Variants in NR6A1 observed in about 807,000 individuals in gnomAD.
NR6A1 encodes nuclear receptor subfamily 6 group A member 1.
A neutral mutation model predicts 59.1 loss-of-function variants in NR6A1; 7 were observed. That is an observed-to-expected ratio of 0.12 (90% confidence interval 0.07 to 0.22). The LOEUF (loss-of-function observed/expected upper bound fraction) is 0.22. Among genes scored for constraint, NR6A1 ranks in the 10% least tolerant of loss-of-function variants. NR6A1 has a pLI of 1.00. For synonymous variants in NR6A1, 243 were observed against 236.1 expected, an observed-to-expected ratio of 1.03 and a Z score of -0.27; for missense variants, 468 against 611.6, an observed-to-expected ratio of 0.77 and a Z score of 2.48.
intron 2 of NR6A1, among the ~76,000 whole-genome samples, chr9:124,611,712 G>A (rs1293547539): frequency 7.0e-6 from 1 of 142,716 alleles, no homozygotes; most frequent in Non-Finnish European, 1.5e-5. Flanking sequence ...TTACACCACT[G>A]TGCTCCAGGC....
chr9:124,676,217 C>T (rs1837954612), intron 2 of NR6A1, among the ~76,000 whole-genome samples: 1 of 152,130 alleles, frequency 6.6e-6, no homozygotes, highest in South Asian at 2.1e-4. Flanking sequence ...TTTACTTCTC[C>T]TACCCCAATA....
At chr9:124,642,025 C>T (rs1172045113) in intron 2 of NR6A1, among the ~76,000 whole-genome samples, 1 of 152,052 alleles carries the variant, frequency 6.6e-6, no homozygotes, top group Non-Finnish European at 1.5e-5. Context: ...TACCACTTAA[C>T]AGCTGAGTGA....
intron 3 of NR6A1, 69 bp downstream of exon 3, chr9:124,554,259 T>A (rs1228130822): frequency 6.2e-7 from 1 of 1,607,154 alleles, no homozygotes; most frequent in East Asian, 2.2e-5. Context: ...AATAAGTAAC[T>A]AAACAGCTGA....
intron 1 of NR6A1, among the ~76,000 whole-genome samples, chr9:124,766,897 T>TA (rs1840949840): frequency 6.6e-6 from 1 of 152,148 alleles, no homozygotes; most frequent in South Asian, 2.1e-4. Flanking sequence ...TACCCAATTA[T>TA]AAAAATGAAG....
chr9:124,666,173 T>C (rs898055224), intron 2 of NR6A1, among the ~76,000 whole-genome samples: 2 of 151,886 alleles, frequency 1.3e-5, no homozygotes, highest in African/African-American at 4.8e-5. Flanking sequence ...CTGGCAAATG[T>C]ATTCAGAGCA....
intron 1 of NR6A1, among the ~76,000 whole-genome samples, chr9:124,744,018 G>C (rs148743470): frequency 6.6e-6 from 1 of 152,202 alleles, no homozygotes; most frequent in Non-Finnish European, 1.5e-5. Flanking sequence ...CTTGAGCTCA[G>C]GAATTGAAAA....
chr9:124,644,236 G>C (rs919804571), intron 2 of NR6A1, among the ~76,000 whole-genome samples: 16 of 147,964 alleles, frequency 1.1e-4, no homozygotes, highest in Non-Finnish European at 1.5e-5. Context: ...AACTGAAGAA[G>C]AGGTGTATAC....
At chr9:124,618,224 G>A (rs1835956838) in intron 2 of NR6A1, among the ~76,000 whole-genome samples, 1 of 152,184 alleles carries the variant, frequency 6.6e-6, no homozygotes, top group Non-Finnish European at 1.5e-5. Flanking sequence ...GCTCACACTT[G>A]TTATCCCAGC....
chr9:124,701,294 T>C (rs1838943955), intron 2 of NR6A1, among the ~76,000 whole-genome samples: 2 of 152,224 alleles, frequency 1.3e-5, no homozygotes, highest in Non-Finnish European at 2.9e-5. Flanking sequence ...ACAGTGGACA[T>C]TCCAATTTTA....
chr9:124,745,836 C>T (rs1361076329), intron 1 of NR6A1, among the ~76,000 whole-genome samples: 1 of 150,814 alleles, frequency 6.6e-6, no homozygotes, highest in Admixed American at 6.6e-5. Context: ...CAAAAAATTG[C>T]CAGGCATGGT....
At chr9:124,621,959 A>T (rs1205497725) in intron 2 of NR6A1, among the ~76,000 whole-genome samples, 1 of 152,158 alleles carries the variant, frequency 6.6e-6, no homozygotes, top group East Asian at 1.9e-4. Flanking sequence ...CGTGCCTATA[A>T]TCTCAGCACT....
At chr9:124,678,558 A>C (rs538326435) in intron 2 of NR6A1, among the ~76,000 whole-genome samples, 1 of 152,336 alleles carries the variant, frequency 6.6e-6, no homozygotes, top group East Asian at 1.9e-4. Flanking sequence ...GGAAGCATTT[A>C]CTAAGATAAT....
rs897186655 is a variant in NR6A1 at position 124,771,266 on chromosome 9, G to A, written c.-147C>T. On this transcript the variant is annotated 5_prime_UTR_variant, in exon 1 of 10. Coordinates refer to ENST00000487099, the MANE Select transcript of NR6A1 (RefSeq NM_033334.4). ...CTCTCTCTGGGCCCCGAGCCGCCCGGCTCCGCGCCGCTCCGCGCCCCTCCG... is the reference window on the plus strand; with the variant it reads ...CTCTCTCTGGGCCCCGAGCCGCCCGACTCCGCGCCGCTCCGCGCCCCTCCG... 4.2e-5 allele frequency: 17 copies of A among 401,092 alleles called. No homozygotes were observed. Among genetic ancestry groups the A allele is most frequent in the Non-Finnish European group, 6.5e-5 (15 of 230,602 alleles). The allele number at this position is 401,092 out of a possible 1,614,324, so 24.8% of individuals were successfully genotyped here.
At chr9:124,623,858 T>C (rs913446812) in intron 2 of NR6A1, among the ~76,000 whole-genome samples, 3 of 152,168 alleles carry the variant, frequency 2.0e-5, no homozygotes, top group South Asian at 2.1e-4. Flanking sequence ...TAACATCTGT[T>C]TGACAGACAA....
chr9:124,655,374 T>C (rs1564221009), intron 2 of NR6A1, among the ~76,000 whole-genome samples: 2 of 152,226 alleles, frequency 1.3e-5, no homozygotes, highest in Non-Finnish European at 2.9e-5. Flanking sequence ...TAAATGAAGA[T>C]AACAATATGT....
intron 2 of NR6A1, among the ~76,000 whole-genome samples, chr9:124,620,809 TAA>T (rs796981815): frequency 1.7e-4 from 24 of 140,424 alleles, no homozygotes; most frequent in African/African-American, 3.6e-4. Flanking sequence ...TCTCATTGTT[TAA>T]AAAAAAAAAA....
In NR6A1 at chr9:124,755,247, C is replaced by T. The variant is rs77602823; in HGVS notation, c.100+15773G>A. 3.1e-3 allele frequency among the ~76,000 whole-genome samples: 466 copies of T among 152,252 alleles called. 2 individuals are homozygous for T. Among genetic ancestry groups the T allele is most frequent in the African/African-American group, 0.011 (445 of 41,552 alleles). The stretch of plus-strand genomic sequence containing the variant: ...ACCCTGAACAACCTTATTGCTCACA[C>T]GATTTCAGATCAAATCAGAACTGAA... On this transcript the variant is annotated intron_variant, in intron 1 of 9. Transcript: ENST00000487099.
At chr9:124,672,633 C>T (rs1334119042) in intron 2 of NR6A1, among the ~76,000 whole-genome samples, 2 of 151,706 alleles carry the variant, frequency 1.3e-5, no homozygotes, top group African/African-American at 4.9e-5. Context: ...AAAAGAATTG[C>T]TTAAGTTCAA....
At chr9:124,625,358 C>T (rs1342043074) in intron 2 of NR6A1, among the ~76,000 whole-genome samples, 1 of 152,136 alleles carries the variant, frequency 6.6e-6, no homozygotes, top group Non-Finnish European at 1.5e-5. Context: ...GATAGTGTCT[C>T]GCTTTGCCAC....
Sources: allele counts gnomAD v4.1 joint callset (sites outside exome capture counted in the v4.1 genomes callset), GRCh38; gene constraint gnomAD v4.1.1; transcripts MANE v1.5; gene names NCBI Gene and HGNC (gene_info 2026-07-23, HGNC 2026-07-21).